The following HOMER1 variants were observed in gnomAD, a reference collection of about 807,000 sequenced individuals.
HOMER1 encodes the protein homer scaffold protein 1.
Under a neutral mutation model 48.9 loss-of-function variants are expected in HOMER1, and 3 were observed. That is an observed-to-expected ratio of 0.06 (90% CI 0.03 to 0.16). The LOEUF is 0.16. HOMER1 is among the 10% of genes least tolerant of loss of function. The pLI is 1.00. For missense variants in HOMER1, 247 were observed against 411.4 expected (o/e 0.60, Z 3.46); for synonymous variants, 134 against 146.4 (o/e 0.92, Z 0.61).
At chr5:79,498,030 C>A (rs1752475255) in intron 1 of HOMER1, among the ~76,000 whole-genome samples, 1 of 152,182 alleles carries the variant, frequency 6.6e-6, no homozygotes. Context: ...AAATTGAGAA[C>A]CACTGATCTA....
chr5:79,397,793 T>G (rs955280848), intron 6 of HOMER1, 156 bp from the exon 7 acceptor site: 1 of 442,312 alleles, frequency 2.3e-6, no homozygotes, highest in African/African-American at 2.1e-5. Context: ...AGTGAATAGA[T>G]TCTTCAAAGA....
chr5:79,473,432 C>G (rs896265757), intron 1 of HOMER1, among the ~76,000 whole-genome samples: 2 of 152,110 alleles, frequency 1.3e-5, no homozygotes, highest in Non-Finnish European at 2.9e-5. Flanking sequence ...AGATTGGACA[C>G]CCTTGTACTA....
chr5:79,440,800 G>C (rs1252567784), intron 4 of HOMER1, among the ~76,000 whole-genome samples: 4 of 152,178 alleles, frequency 2.6e-5, no homozygotes, highest in African/African-American at 9.7e-5. Flanking sequence ...CTAAAATAAT[G>C]AAAGGTTGAA....
intron 5 of HOMER1, among the ~76,000 whole-genome samples, chr5:79,420,021 A>G (rs1750053273): frequency 6.6e-6 from 1 of 152,154 alleles, no homozygotes; most frequent in East Asian, 1.9e-4. Flanking sequence ...TACGATTTGC[A>G]TTTCTAATTT....
intron 5 of HOMER1, among the ~76,000 whole-genome samples, chr5:79,427,674 C>T (rs368347692): frequency 1.1e-5 from 1 of 89,948 alleles, no homozygotes; most frequent in Non-Finnish European, 2.1e-5. Flanking sequence ...CTTTCCTTCC[C>T]TTCCTTCCTT....
intron 1 of HOMER1, among the ~76,000 whole-genome samples, chr5:79,461,920 C>G (rs568239603): frequency 1.3e-5 from 2 of 152,156 alleles, no homozygotes; most frequent in Non-Finnish European, 1.5e-5. Context: ...AGATCCATGC[C>G]GGGCGCAGTG....
chr5:79,482,087 G>A (rs1580014226), intron 1 of HOMER1, among the ~76,000 whole-genome samples: 3 of 152,164 alleles, frequency 2.0e-5, no homozygotes, highest in East Asian at 3.9e-4. Flanking sequence ...GGGCATGGTG[G>A]TGTGTACATG....
chr5:79,487,021 C>G (rs1417109021), intron 1 of HOMER1, among the ~76,000 whole-genome samples: 1 of 152,194 alleles, frequency 6.6e-6, no homozygotes, highest in Non-Finnish European at 1.5e-5. Flanking sequence ...TGGCTCATGC[C>G]TGTAATGCCA....
intron 8 of HOMER1, among the ~76,000 whole-genome samples, chr5:79,390,310 CA>C (rs933849173): frequency 6.6e-6 from 1 of 151,236 alleles, no homozygotes; most frequent in African/African-American, 2.4e-5. Flanking sequence ...AACAAACAAA[CA>C]AAAACCCCCA....
At chr5:79,424,917 G>A (rs1028730475) in intron 5 of HOMER1, among the ~76,000 whole-genome samples, 1 of 151,968 alleles carries the variant, frequency 6.6e-6, no homozygotes, top group Admixed American at 6.6e-5. Flanking sequence ...AACAAAACAC[G>A]GGATGCCACG....
intron 1 of HOMER1, among the ~76,000 whole-genome samples, chr5:79,478,208 C>T (rs1751839905): frequency 6.6e-6 from 1 of 152,186 alleles, no homozygotes; most frequent in Admixed American, 6.5e-5. Flanking sequence ...AGAACTCCAA[C>T]ACATCTTACA....
At chr5:79,487,786 T>C (rs1752151748) in intron 1 of HOMER1, among the ~76,000 whole-genome samples, 1 of 152,188 alleles carries the variant, frequency 6.6e-6, no homozygotes, top group South Asian at 2.1e-4. Flanking sequence ...AATTATTAAG[T>C]GATTTTTCTG....
intron 5 of HOMER1, among the ~76,000 whole-genome samples, chr5:79,428,429 A>G (rs1397013255): frequency 2.0e-5 from 3 of 152,172 alleles, no homozygotes; most frequent in Non-Finnish European, 4.4e-5. Flanking sequence ...ACACTGTACT[A>G]CAGGTTCTAG....
intron 8 of HOMER1, among the ~76,000 whole-genome samples, chr5:79,389,812 AT>A (rs1749202652): frequency 1.3e-5 from 2 of 152,238 alleles, no homozygotes; most frequent in Non-Finnish European, 2.9e-5. Flanking sequence ...CATTTAATAT[AT>A]TTAATGTATA....
At chr5:79,454,526 A>G (rs1338177999) in intron 2 of HOMER1, among the ~76,000 whole-genome samples, 1 of 152,064 alleles carries the variant, frequency 6.6e-6, no homozygotes, top group Non-Finnish European at 1.5e-5. Context: ...TCAGTTACAA[A>G]ATATGACAAA....
At chr5:79,452,400 A>T (rs1433427570) in intron 2 of HOMER1, among the ~76,000 whole-genome samples, 1 of 152,222 alleles carries the variant, frequency 6.6e-6, no homozygotes, top group Admixed American at 6.5e-5. Flanking sequence ...ATACCATAAA[A>T]GTGAGGAATC....
At chr5:79,396,595 C>A (rs1749390638) in intron 8 of HOMER1, among the ~76,000 whole-genome samples, 1 of 151,786 alleles carries the variant, frequency 6.6e-6, no homozygotes, top group African/African-American at 2.4e-5. Flanking sequence ...AAAGGATTTA[C>A]TAAATAATTT....
intron 8 of HOMER1, among the ~76,000 whole-genome samples, chr5:79,391,999 A>G (rs1229223399): frequency 6.6e-6 from 1 of 152,150 alleles, no homozygotes. Flanking sequence ...CCATATCATC[A>G]CAGCACAATG....
At chr5:79,485,715 GA>G (rs1221413283) in intron 1 of HOMER1, among the ~76,000 whole-genome samples, 1 of 152,218 alleles carries the variant, frequency 6.6e-6, no homozygotes, top group Non-Finnish European at 1.5e-5. Flanking sequence ...AATGGAAAAA[GA>G]GGGACCTAAT....
Sources: gnomAD v4.1 joint callset for allele counts (sites outside exome capture counted in the v4.1 genomes callset) on GRCh38, gnomAD v4.1.1 for gene constraint, MANE v1.5 for transcripts, NCBI Gene and HGNC (gene_info 2026-07-23, HGNC 2026-07-21) for gene names.